Variants in VPS54 observed in about 807,000 individuals in gnomAD.
VPS54 encodes vacuolar protein sorting-associated protein 54.
Under a neutral mutation model 121.5 loss-of-function variants are expected in VPS54, and 45 were observed. That is an observed-to-expected ratio of 0.37 (90% confidence interval 0.29 to 0.47). The LOEUF (loss-of-function observed/expected upper bound fraction) is 0.47, where lower values mean the gene tolerates loss of function less well. Ranked by LOEUF, VPS54 falls within the 20% of genes least tolerant of loss-of-function variation. VPS54 has a pLI of 0.99. For synonymous variants in VPS54, 371 were observed against 385.8 expected (o/e 0.96, Z 0.45); for missense variants, 1,090 against 1,131.4 (o/e 0.96, Z 0.52).
chr2:63,998,067 T>G (rs141640445), intron 1 of VPS54, among the ~76,000 whole-genome samples: 51 of 152,290 alleles, frequency 3.3e-4, no homozygotes, highest in Middle Eastern at 3.4e-3. Flanking sequence ...TTGAATTGTC[T>G]TCTTTATTTC....
rs1437556361 is a variant in VPS54 at position 63,913,248 on chromosome 2, T to A, written c.2397A>T (p.Leu799=). The change falls in exon 18 of 23, where the codon CTA becomes CTT. Residue 799 remains leucine (L), a synonymous_variant. Coordinates refer to ENST00000272322, the MANE Select transcript of VPS54 (RefSeq NM_016516.3). Reference sequence around the variant, plus strand: ...CCAAATTTTTTGTAGTTATCGTTTTTAGTCCAACAACTTGCAGTGCACCAG... The same window carrying A: ...CCAAATTTTTTGTAGTTATCGTTTTAAGTCCAACAACTTGCAGTGCACCAG... ...LGAGALQVVG[L]KTITTKNLAL... 1.9e-6 allele frequency: 3 copies of A among 1,610,672 alleles called. No individual in the cohort carries two copies. The highest frequency in any genetic ancestry group is 2.2e-5 in the South Asian group (2 of 90,452).
intron 9 of VPS54, 72 bp downstream of exon 9, chr2:63,947,311 A>C (rs1675024945): frequency 1.5e-6 from 2 of 1,307,500 alleles, no homozygotes; most frequent in Non-Finnish European, 2.1e-6. Context: ...ATATATTATT[A>C]CTAGGATAAC....
chr2:63,973,374 C>T (rs78587145), intron 3 of VPS54, among the ~76,000 whole-genome samples: 6,708 of 152,220 alleles, frequency 0.044, 227 homozygotes, highest in African/African-American at 0.099. Flanking sequence ...AGGAAAAATA[C>T]ATATAACATA....
At chr2:63,906,470 T>C (rs1003015150) in intron 20 of VPS54, among the ~76,000 whole-genome samples, 1 of 152,246 alleles carries the variant, frequency 6.6e-6, no homozygotes, top group Non-Finnish European at 1.5e-5. Flanking sequence ...GTGCATTATC[T>C]GTTTACTGAA....
At chr2:63,956,143 T>C (rs1675480682) in intron 7 of VPS54, among the ~76,000 whole-genome samples, 1 of 152,202 alleles carries the variant, frequency 6.6e-6, no homozygotes, top group South Asian at 2.1e-4. Flanking sequence ...TGTAGAATTC[T>C]AGTTTCATCA....
In VPS54 at chr2:64,017,175, T is replaced by C. The variant is rs62136445; in HGVS notation, c.-21+1763A>G. 8.0e-3 allele frequency among the ~76,000 whole-genome samples: 1,219 copies of C among 151,620 alleles called. 11 individuals are homozygous for C. The highest frequency in any genetic ancestry group is 0.028 in the South Asian group (135 of 4,800). On this transcript the variant is annotated intron_variant, in intron 1 of 22. Transcript: ENST00000272322. ...GCTAATATGGTGAAACCCCCGTCTC[T>C]ACTAAAAATACAAAAATCAGCCAGG...
At chr2:63,939,011 T>C (rs746047126) in intron 11 of VPS54, among the ~76,000 whole-genome samples, 8 of 152,292 alleles carry the variant, frequency 5.3e-5, no homozygotes, top group Middle Eastern at 3.4e-3. Flanking sequence ...AAATATGAAA[T>C]TTATAAATCC....
chr2:63,921,304 C>T lies in VPS54; in HGVS notation c.1771G>A (p.Glu591Lys), dbSNP rs780716968. 4.3e-6 allele frequency: 7 copies of T among 1,612,984 alleles called. No homozygotes were observed. The Admixed American group carries it at 1.2e-4, about 27-fold the overall frequency. Reference sequence around the variant, plus strand: ...ATATTATTTGCCAGCTTTCCTAGCTCTGAGTCAGTTAATTTCATATCTTCA... The same window carrying T: ...ATATTATTTGCCAGCTTTCCTAGCTTTGAGTCAGTTAATTTCATATCTTCA... ...VSEDMKLTDS[E>K]LGKLANNIQE... The change falls in exon 13 of 23, where the codon GAG becomes AAG. Residue 591 changes from glutamate to lysine, a missense_variant. Physicochemically the swap from Glu to Lys is moderately conservative, Grantham distance 56. Coordinates refer to ENST00000272322, the MANE Select transcript of VPS54 (RefSeq NM_016516.3).
intron 1 of VPS54, among the ~76,000 whole-genome samples, chr2:63,990,542 C>T (rs1474819142): frequency 1.3e-5 from 2 of 152,128 alleles, no homozygotes; most frequent in Non-Finnish European, 2.9e-5. Context: ...TTCACACATG[C>T]ACACCAGTAA....
At chr2:63,991,399 G>A (rs1308799073) in intron 1 of VPS54, among the ~76,000 whole-genome samples, 3 of 152,164 alleles carry the variant, frequency 2.0e-5, no homozygotes, top group Non-Finnish European at 4.4e-5. Flanking sequence ...ATCACGAGGT[G>A]TTCCCTGCAT....
intron 2 of VPS54, among the ~76,000 whole-genome samples, chr2:63,982,729 A>T (rs564942379): frequency 1.3e-5 from 2 of 152,218 alleles, no homozygotes; most frequent in Non-Finnish European, 2.9e-5. Flanking sequence ...CACTGCGCTT[A>T]GGGGCAATTT....
At chr2:63,975,437 G>C (rs1032126286) in intron 3 of VPS54, 1 of 160,794 alleles carries the variant, frequency 6.2e-6, no homozygotes, top group African/African-American at 2.4e-5. Context: ...CGGTTTAGGA[G>C]TCGAGTCATG....
At chr2:64,010,453 T>C (rs754009513) in intron 1 of VPS54, among the ~76,000 whole-genome samples, 43 of 152,202 alleles carry the variant, frequency 2.8e-4, no homozygotes, top group Admixed American at 7.8e-4. Context: ...TATGTTACCA[T>C]AGTAAAAACT....
intron 11 of VPS54, among the ~76,000 whole-genome samples, chr2:63,938,344 C>A (rs1018693455): frequency 5.3e-5 from 8 of 152,022 alleles, no homozygotes; most frequent in African/African-American, 1.9e-4. Flanking sequence ...AAAATGTCTT[C>A]ATATGCTAAA....
intron 9 of VPS54, 33 bp from the exon 10 acceptor site, chr2:63,944,688 GATTA>G (rs757916471): frequency 1.7e-4 from 268 of 1,537,356 alleles, no homozygotes; most frequent in East Asian, 3.6e-4. Context: ...AAAACAATTT[GATTA>G]ATTGTCTTTC....
At chr2:64,008,170 T>A (rs1407948294) in intron 1 of VPS54, among the ~76,000 whole-genome samples, 1 of 152,110 alleles carries the variant, frequency 6.6e-6, no homozygotes, top group East Asian at 1.9e-4. Flanking sequence ...TCCAGCACTT[T>A]GGGAGGACGA....
chr2:63,948,973 A>AC, intron 8 of VPS54, 64 bp downstream of exon 8: 1 of 1,569,222 alleles, frequency 6.4e-7, no homozygotes, highest in Non-Finnish European at 8.6e-7. Flanking sequence ...TCTGAGAAAA[A>AC]TGTGTTCTAA....
intron 20 of VPS54, among the ~76,000 whole-genome samples, chr2:63,911,329 C>G (rs577578437): frequency 5.3e-5 from 8 of 152,224 alleles, no homozygotes; most frequent in African/African-American, 1.4e-4. Context: ...TACATAAATA[C>G]AAATTCCTTA....
chr2:63,936,466 A>G (rs1310692340), intron 11 of VPS54, among the ~76,000 whole-genome samples: 1 of 152,174 alleles, frequency 6.6e-6, no homozygotes, highest in Admixed American at 6.5e-5. Flanking sequence ...TAATTTTCCA[A>G]TCTTGAGAAT....
Sources: allele counts gnomAD v4.1 joint callset (sites outside exome capture counted in the v4.1 genomes callset), GRCh38; gene constraint gnomAD v4.1.1; transcripts MANE v1.5; gene names NCBI Gene and HGNC (gene_info 2026-07-23, HGNC 2026-07-21).